Variants in SFR1 observed in about 807,000 individuals in gnomAD.
SFR1 encodes the protein SWI5 dependent homologous recombination repair protein 1.
SFR1 carries 24 observed loss-of-function variants against 26.2 expected under a neutral mutation model. That is an observed-to-expected ratio of 0.92 (90% CI 0.66 to 1.29). The LOEUF is 1.29. Among genes scored for constraint, SFR1 ranks in the 50% most tolerant of loss-of-function variants. The probability of loss-of-function intolerance (pLI) is 0.00; values close to 1 mark genes in which losing one functional copy is unlikely to be tolerated. For synonymous variants in SFR1, 77 were observed against 96.6 expected (o/e 0.80, Z 1.19); for missense variants, 276 against 270.2 (o/e 1.02, Z -0.15).
At chr10:104,121,980 C>G (rs2086967171), upstream of SFR1, 3 of 551,050 alleles carry the variant, frequency 5.4e-6, no homozygotes, top group Non-Finnish European at 6.4e-6. Flanking sequence ...GGCCTCCCAT[C>G]GTGTGGGCCA....
chr10:104,121,710 G>C (rs1040241245), upstream of SFR1, among the ~76,000 whole-genome samples: 1 of 152,182 alleles, frequency 6.6e-6, no homozygotes, highest in Admixed American at 6.5e-5. Context: ...TGGCGGGGGT[G>C]GGGAGAGGCA....
Position 104,125,512 on chromosome 10 carries a change from G to T in SFR1, c.547-1G>T, listed in dbSNP as rs1201134017. 3 of 1,599,168 alleles carry T rather than the reference G, an allele frequency of 1.9e-6. No homozygotes were observed. The highest frequency in any genetic ancestry group is 2.3e-5 in the South Asian group (2 of 88,056). On this transcript the variant is annotated splice_acceptor_variant, in intron 3 of 3. Coordinates refer to ENST00000369727, the MANE Select transcript of SFR1 (RefSeq NM_001002759.2). LOFTEE classifies it high-confidence loss of function. ...CATACATGTTTTTTTTTCTGTTTCA[G>T]AATGATCTGTCTCAGTTACAGTTGT...
rs149803523 is a variant in SFR1 at position 104,122,996 on chromosome 10, A to G, written c.45A>G (p.Glu15=). 3.8e-4 allele frequency: 612 copies of G among 1,613,756 alleles called. No individual in the cohort carries two copies. The highest frequency in any genetic ancestry group is 5.0e-4 in the Non-Finnish European group (588 of 1,179,918). ...ACCAAGATTTCACTTTCAAGATGGA[A>G]AGTCCGTCAGACTCAGCTGTGGTTT... ...EKNQDFTFKM[E]SPSDSAVVLP... is the part of the protein sequence containing the mutation. Residue 15 remains glutamate (E), a synonymous_variant, in exon 2 of 4, where the codon GAA becomes GAG. Coordinates refer to ENST00000369727, the MANE Select transcript of SFR1 (RefSeq NM_001002759.2).
In SFR1 at chr10:104,123,705, T is replaced by C; in HGVS notation, c.136-9T>C. 3 of 1,540,850 alleles carry C rather than the reference T, an allele frequency of 1.9e-6. No homozygotes were observed. The highest frequency in any genetic ancestry group is 2.6e-6 in the Non-Finnish European group (3 of 1,147,620). ...GATTCACATTTTTAATGTTTTGTGC[T>C]CTTTATAGCCTATGAGTGCAACACT... On this transcript the variant is annotated splice_polypyrimidine_tract_variant and intron_variant, in intron 2 of 3. Transcript: ENST00000369727.
chr10:104,123,334 A>G, intron 2 of SFR1: 1 of 441,186 alleles, frequency 2.3e-6, no homozygotes, highest in Non-Finnish European at 4.0e-6. Flanking sequence ...AATACTCCAG[A>G]TGGAGAAAGT....
upstream of SFR1, among the ~76,000 whole-genome samples, chr10:104,120,662 C>T (rs74610720): frequency 1.7e-3 from 252 of 152,236 alleles, 7 homozygotes; most frequent in East Asian, 0.043. Context: ...GTTCCAGCTG[C>T]CTCTCACCAG....
At chr10:104,123,273 A>C in intron 2 of SFR1, 187 bp downstream of exon 2, 1 of 505,188 alleles carries the variant, frequency 2.0e-6, no homozygotes, top group Non-Finnish European at 3.4e-6. Context: ...CCCCTTCCAT[A>C]TTTTCCTCTT....
rs765867531 is a variant in SFR1 at position 104,123,759 on chromosome 10, T to G, written c.181T>G (p.Ser61Ala). 2 of 1,605,612 alleles carry G rather than the reference T, an allele frequency of 1.2e-6. No homozygotes were observed. Among genetic ancestry groups the G allele is most frequent in the Non-Finnish European group, 1.7e-6 (2 of 1,177,506 alleles). The stretch of plus-strand genomic sequence containing the variant: ...AGAAAGATTAAGGAAAACAAGATTT[T>G]CATTTAATTCCTCTTACAATGTGGT... ...LRERLRKTRF[S>A]FNSSYNVVKR... Residue 61 changes from serine (S) to alanine (A), a missense_variant, in exon 3 of 4, where the codon TCA (serine) becomes GCA (alanine). By Grantham distance (99) the Ser-to-Ala change is moderately conservative. Coordinates refer to ENST00000369727, the MANE Select transcript of SFR1 (RefSeq NM_001002759.2).
chr10:104,123,731 TAGAGAA>T lies in SFR1; in HGVS notation c.157_162del (p.Glu53_Arg54del). Reference sequence around the variant, plus strand: ...CTTTATAGCCTATGAGTGCAACACTTAGAGAAAGATTAAGGAAAACAAGATTTTCAT... The same window carrying T: ...CTTTATAGCCTATGAGTGCAACACTTAGATTAAGGAAAACAAGATTTTCAT... On this transcript the variant is annotated inframe_deletion, in exon 3 of 4. Transcript: ENST00000369727. The T allele has an allele frequency of 6.3e-7, 1 of 1,598,724 alleles. No homozygotes were observed. The highest frequency in any genetic ancestry group is 8.5e-7 in the Non-Finnish European group (1 of 1,174,616).
chr10:104,122,063 C>T (rs370996581), upstream of SFR1: 13 of 1,216,534 alleles, frequency 1.1e-5, no homozygotes, highest in South Asian at 2.6e-5. Context: ...AGTGAAGCGG[C>T]GCCTCGCGCG....
chr10:104,122,974 AAG>A lies in SFR1; in HGVS notation c.25_26del (p.Asp9PhefsTer17), dbSNP rs1564696615. On this transcript the variant is annotated frameshift_variant, in exon 2 of 4. Coordinates refer to ENST00000369727, the MANE Select transcript of SFR1 (RefSeq NM_001002759.2). LOFTEE classifies it high-confidence loss of function. Reference sequence around the variant, plus strand: ...AATTTTTCTTTTTTAGAGAAAAACCAAGATTTCACTTTCAAGATGGAAAGTCC... The same window carrying A: ...AATTTTTCTTTTTTAGAGAAAAACCAATTTCACTTTCAAGATGGAAAGTCC... 6.2e-7 allele frequency: 1 copy of A among 1,613,504 alleles called. No homozygotes were observed. Among genetic ancestry groups the A allele is most frequent in the Admixed American group, 1.7e-5 (1 of 60,026 alleles).
At position 104,123,929 on chromosome 10, in the gene SFR1, T is replaced by C. The variant is rs2086997073; in HGVS notation, c.351T>C (p.Asn117=). 1.2e-6 allele frequency: 2 copies of C among 1,613,238 alleles called. No homozygotes were observed. The highest frequency in any genetic ancestry group is 1.7e-6 in the Non-Finnish European group (2 of 1,179,756). ...SEFEENTNLK[N]TLKNLNVCES... ...TTGAAGAAAATACAAATTTGAAAAA[T>C]ACTTTGAAGAATCTCAATGTCTGTG... The change falls in exon 3 of 4, where the codon AAT becomes AAC. Residue 117 remains asparagine (N), a synonymous_variant. Coordinates refer to ENST00000369727, the MANE Select transcript of SFR1 (RefSeq NM_001002759.2).
At chr10:104,122,514 G>C (rs1286698326) in intron 1 of SFR1, 2 of 985,206 alleles carry the variant, frequency 2.0e-6, no homozygotes, top group African/African-American at 1.7e-5. Flanking sequence ...CTTATGCCTC[G>C]GGCCGGCAGG....
Position 104,123,824 on chromosome 10 carries a change from C to T in SFR1, c.246C>T (p.Thr82=). ...LKVESEENDQ[T]FSEKPASSTE... Reference sequence around the variant, plus strand: ...TAGAGAGTGAAGAAAATGATCAGACCTTTTCAGAGAAACCAGCATCTTCCA... The same window carrying T: ...TAGAGAGTGAAGAAAATGATCAGACTTTTTCAGAGAAACCAGCATCTTCCA... Residue 82 remains threonine (T), a synonymous_variant, in exon 3 of 4, where the codon ACC becomes ACT. Coordinates refer to ENST00000369727, the MANE Select transcript of SFR1 (RefSeq NM_001002759.2). The T allele has an allele frequency of 6.2e-7, 1 of 1,612,912 alleles. No homozygotes were observed. Among genetic ancestry groups the T allele is most frequent in the East Asian group, 2.2e-5 (1 of 44,834 alleles).
chr10:104,124,810 C>G (rs2134707642), intron 3 of SFR1, among the ~76,000 whole-genome samples: 1 of 151,954 alleles, frequency 6.6e-6, no homozygotes, highest in African/African-American at 2.4e-5. Context: ...TTTATTCATT[C>G]TTTTTTTAGA....
upstream of SFR1, chr10:104,122,154 G>A: frequency 6.5e-7 from 1 of 1,547,860 alleles, no homozygotes; most frequent in Non-Finnish European, 8.7e-7. Flanking sequence ...TACGGCCGCA[G>A]GTGCGCGCGC....
At chr10:104,125,404 C>T in intron 3 of SFR1, 109 bp from the exon 4 acceptor site, 1 of 771,624 alleles carries the variant, frequency 1.3e-6, no homozygotes, top group South Asian at 1.7e-5. Context: ...TCCCATTCAT[C>T]CCTGTGTATG....
In SFR1 at chr10:104,125,962, C is replaced by G. The variant is rs1380918008; in HGVS notation, c.*258C>G. ...TGCATTTTTAGTAGAGACTGGGTTT[C>G]ACCACGTTGGCCAGGCTGGTCTCGA... is the stretch of plus-strand genomic sequence containing the variant. On this transcript the variant is annotated 3_prime_UTR_variant, in exon 4 of 4. Coordinates refer to ENST00000369727, the MANE Select transcript of SFR1 (RefSeq NM_001002759.2). The G allele has an allele frequency of 3.9e-6, 1 of 257,104 alleles. No individual in the cohort carries two copies. The highest frequency in any genetic ancestry group is 2.3e-5 in the African/African-American group (1 of 43,864). 15.9% of individuals were successfully genotyped at this position (257,104 alleles called of 1,614,324 possible). A position where few individuals can be genotyped will look rare whatever the true frequency, so the allele number is the denominator to read the frequency against.
chr10:104,125,576 T>A lies in SFR1; in HGVS notation c.610T>A (p.Tyr204Asn). 1 of 1,613,872 alleles carries A rather than the reference T, an allele frequency of 6.2e-7. No individual in the cohort carries two copies. The highest frequency in any genetic ancestry group is 8.5e-7 in the Non-Finnish European group (1 of 1,179,788). The change falls in exon 4 of 4, where the codon TAT (tyrosine) becomes AAT (asparagine). Residue 204 changes from tyrosine (Y) to asparagine (N), a missense_variant. Physicochemically the swap from Tyr to Asn is moderately radical, Grantham distance 143. Transcript: ENST00000369727. Reference protein sequence around the residue: ...KWRSCSQLLLYELQSAVSEEN... With the variant: ...KWRSCSQLLLNELQSAVSEEN... Reference sequence around the variant, plus strand: ...GAGAAGCTGTAGCCAGCTCTTGCTTTATGAGTTGCAGTCAGCTGTGTCTGA... The same window carrying A: ...GAGAAGCTGTAGCCAGCTCTTGCTTAATGAGTTGCAGTCAGCTGTGTCTGA...
Sources: allele counts gnomAD v4.1 joint callset (sites outside exome capture counted in the v4.1 genomes callset), GRCh38; gene constraint gnomAD v4.1.1; transcripts MANE v1.5; gene names NCBI Gene and HGNC (gene_info 2026-07-23, HGNC 2026-07-21).